Variants in CSF2RA observed in about 807,000 individuals in gnomAD.
CSF2RA encodes the protein colony stimulating factor 2 receptor subunit alpha.
Under a neutral mutation model 51.6 loss-of-function variants are expected in CSF2RA, and 42 were observed. That is an observed-to-expected ratio of 0.81 (90% CI 0.64 to 1.05). CSF2RA has a LOEUF of 1.05. Among genes scored for constraint, CSF2RA ranks in the 50% least tolerant of loss-of-function variants. The pLI is 0.00. For synonymous variants in CSF2RA, 222 were observed against 193.0 expected (o/e 1.15, Z -1.24); for missense variants, 530 against 501.1 (o/e 1.06, Z -0.55).
At position 1,288,570 on chromosome X, in the gene CSF2RA, G is replaced by A. The variant is rs1181481612; in HGVS notation, c.271G>A (p.Gly91Arg). The change falls in exon 5 of 13, where the codon GGA (glycine) becomes AGA (arginine). Residue 91 changes from glycine to arginine, a missense_variant. Physicochemically the swap from Gly to Arg is moderately radical, Grantham distance 125. Transcript: ENST00000381529. ...CTFREICLHE[G>R]VTFEVHVNTS... is the part of the protein sequence containing the mutation. ...ATTTCGTGAAATTTGTCTGCATGAA[G>A]GAGTCACATTTGAGGTTCACGTGAA... 1 of 1,613,936 alleles carries A rather than the reference G, an allele frequency of 6.2e-7. No individual in the cohort carries two copies. Among genetic ancestry groups the A allele is most frequent in the Non-Finnish European group, 8.5e-7 (1 of 1,179,858 alleles).
chrX:1,276,339 C>T (rs2089189628), intron 2 of CSF2RA, among the ~76,000 whole-genome samples: 1 of 148,304 alleles, frequency 6.7e-6, no homozygotes, highest in South Asian at 2.2e-4. Flanking sequence ...CAGCCAGCAG[C>T]TTGGTTTTAT....
At chrX:1,307,993 G>C (rs1482257675) in intron 12 of CSF2RA, among the ~76,000 whole-genome samples, 1 of 138,876 alleles carries the variant, frequency 7.2e-6, no homozygotes, top group African/African-American at 2.7e-5. Context: ...AATTAGACAA[G>C]GCCCACCCCC....
intron 3 of CSF2RA, among the ~76,000 whole-genome samples, chrX:1,284,296 T>C (rs1298225928): frequency 6.7e-6 from 1 of 149,682 alleles, no homozygotes; most frequent in Non-Finnish European, 1.5e-5. Context: ...CTCAGCTTTC[T>C]GGGATCAAGT....
downstream of CSF2RA, among the ~76,000 whole-genome samples, chrX:1,312,329 C>A (rs2084225496): frequency 6.6e-6 from 1 of 152,154 alleles, no homozygotes; most frequent in Non-Finnish European, 1.5e-5. Flanking sequence ...AAAAGTCCTC[C>A]TTCCATAGAG....
chrX:1,285,065 A>T (rs28615213), intron 3 of CSF2RA, among the ~76,000 whole-genome samples: 29,599 of 151,532 alleles, frequency 0.2, 3,459 homozygotes, highest in Non-Finnish European at 0.26. Context: ...TAAATTTTTA[A>T]AAAAAAATTT....
At position 1,288,864 on chromosome X, in the gene CSF2RA, AT is replaced by A. The variant is rs1335772121; in HGVS notation, c.455del (p.Leu152CysfsTer35). 1 of 1,613,216 alleles carries A rather than the reference AT, an allele frequency of 6.2e-7. No individual in the cohort carries two copies. Among genetic ancestry groups the A allele is most frequent in the Non-Finnish European group, 8.5e-7 (1 of 1,179,698 alleles). ...RGPTAPRDVQ[Y>X]FLYIRNSKRR... ...CCGACGGCCCCCCGTGACGTCCAGT[AT>A]TTTTTGTACATACGAAACTCAAAGT... is the stretch of plus-strand genomic sequence containing the variant. On this transcript the variant is annotated frameshift_variant, in exon 6 of 13. Coordinates refer to ENST00000381529, the MANE Select transcript of CSF2RA (RefSeq NM_172245.4). LOFTEE classifies it high-confidence loss of function.
chrX:1,283,484 C>CTCTT lies in CSF2RA; in HGVS notation c.76+721_76+724dup, dbSNP rs201839672. On this transcript the variant is annotated intron_variant, in intron 3 of 12. Transcript: ENST00000381529. ...TCCCTCCCTCCCTCCCTCTCTCTCT[C>CTCTT]TCTTTCTTTCTTTCTTTCTCCTTTT... Among the ~76,000 whole-genome samples the CTCTT allele has an allele frequency of 2.2e-4, 29 of 131,480 alleles. 1 individual carries two copies. The highest frequency in any genetic ancestry group is 8.7e-4 in the South Asian group (3 of 3,438). The allele number at this position is 131,480 out of a possible 152,430, so 86.3% of individuals were successfully genotyped here.
intron 1 of CSF2RA, among the ~76,000 whole-genome samples, chrX:1,273,275 A>T (rs1244704798): frequency 6.6e-6 from 1 of 152,028 alleles, no homozygotes; most frequent in East Asian, 1.9e-4. Context: ...GACAGAGAAA[A>T]AAAACAACAT....
At chrX:1,305,241 C>G (rs1176306977) in intron 11 of CSF2RA, among the ~76,000 whole-genome samples, 4 of 152,078 alleles carry the variant, frequency 2.6e-5, no homozygotes, top group African/African-American at 9.7e-5. Flanking sequence ...CCCGCCTCGG[C>G]CTCCCAAAGT....
chrX:1,304,109 A>G lies in CSF2RA; in HGVS notation c.1043+90A>G, dbSNP rs549157630. On this transcript the variant is annotated intron_variant, in intron 11 of 12. Coordinates refer to ENST00000381529, the MANE Select transcript of CSF2RA (RefSeq NM_172245.4). ...TCCAGTCTCTGTCTCTGTCTCTGAG[A>G]AAGAGAAACACAGCCTTGGCCGGGC... 7.0e-5 allele frequency: 82 copies of G among 1,174,012 alleles called. 1 individual carries two copies. The highest frequency in any genetic ancestry group is 6.9e-4 in the African/African-American group (45 of 65,202). The allele number at this position is 1,174,012 out of a possible 1,614,324, so 72.7% of individuals were successfully genotyped here.
intron 1 of CSF2RA, among the ~76,000 whole-genome samples, chrX:1,273,928 A>G (rs1210930226): frequency 2.6e-5 from 4 of 151,758 alleles, no homozygotes; most frequent in African/African-American, 9.7e-5. Context: ...AATCCTTGTT[A>G]TACCGTGGAG....
intron 2 of CSF2RA, 123 bp downstream of exon 2, chrX:1,274,941 G>A (rs1170675572): frequency 2.3e-6 from 1 of 428,812 alleles, no homozygotes; most frequent in Non-Finnish European, 4.7e-6. Flanking sequence ...AGAACTCAGG[G>A]CAGAAGAATC....
chrX:1,275,622 G>A (rs1429373175), intron 2 of CSF2RA, among the ~76,000 whole-genome samples: 1 of 151,516 alleles, frequency 6.6e-6, no homozygotes, highest in Non-Finnish European at 1.5e-5. Context: ...GCAGTGGCGC[G>A]ATCTCGGCTC....
intron 1 of CSF2RA, among the ~76,000 whole-genome samples, chrX:1,271,055 T>A (rs1207197215): frequency 1.3e-5 from 2 of 151,828 alleles, no homozygotes; most frequent in African/African-American, 4.8e-5. Context: ...TTACAAATTT[T>A]AAAAAAGACA....
chrX:1,314,912 TTCACC>T (rs2084482174), downstream of CSF2RA, among the ~76,000 whole-genome samples: 18 of 91,780 alleles, frequency 2.0e-4, 3 homozygotes, highest in East Asian at 2.5e-3. Context: ...TCAACCCCAC[TTCACC>T]TGCCCAACCG....
downstream of CSF2RA, among the ~76,000 whole-genome samples, chrX:1,314,330 G>A (rs1244616802): frequency 7.5e-6 from 1 of 133,266 alleles, no homozygotes; most frequent in East Asian, 2.4e-4. Context: ...CACTGCACCT[G>A]CCCAACCCCA....
At chrX:1,279,711 C>A (rs1198224995) in intron 2 of CSF2RA, among the ~76,000 whole-genome samples, 2 of 152,034 alleles carry the variant, frequency 1.3e-5, no homozygotes, top group Non-Finnish European at 2.9e-5. Context: ...GTGTGGCCTA[C>A]ATGCTTTTAC....
chrX:1,303,117 G>T, intron 10 of CSF2RA: 2 of 254,300 alleles, frequency 7.9e-6, no homozygotes. Context: ...GAGTGCAATG[G>T]CACGATCTTG....
downstream of CSF2RA, among the ~76,000 whole-genome samples, chrX:1,311,733 G>A (rs1258877149): frequency 7.9e-5 from 12 of 151,906 alleles, no homozygotes; most frequent in South Asian, 2.1e-4. Context: ...GAGCCACCGC[G>A]TCCAGCCAAA....
Sources: allele counts gnomAD v4.1 joint callset (sites outside exome capture counted in the v4.1 genomes callset), GRCh38; gene constraint gnomAD v4.1.1; transcripts MANE v1.5; gene names NCBI Gene and HGNC (gene_info 2026-07-23, HGNC 2026-07-21).